Variants in PRRC1 observed in about 807,000 individuals in gnomAD.
PRRC1 encodes proline rich coiled-coil 1.
A neutral mutation model predicts 40.7 loss-of-function variants in PRRC1; 39 were observed. The ratio of observed to expected loss-of-function variants is 0.96; its 90% confidence interval spans 0.74 to 1.25. PRRC1 has a LOEUF of 1.25. PRRC1 is among the 50% of genes most tolerant of loss of function. PRRC1 has a pLI of 0.00. For synonymous variants in PRRC1, 175 were observed against 193.3 expected (o/e 0.91, Z 0.79); for missense variants, 573 against 548.3 (o/e 1.05, Z -0.45).
In PRRC1 at chr5:127,551,768, G is replaced by C. The variant is rs996842803; in HGVS notation, c.1190G>C (p.Gly397Ala). 3.7e-6 allele frequency: 6 copies of C among 1,614,112 alleles called. No individual in the cohort carries two copies. Among genetic ancestry groups the C allele is most frequent in the Non-Finnish European group, 5.1e-6 (6 of 1,179,996 alleles). ...LRWSGLLVTV[G>A]EVLEKSLLNV... ...TGGTCAGGCCTTTTGGTGACAGTGGGTGAAGTCCTGGAAAAGAGTTTACTG... is the reference window on the plus strand; with the variant it reads ...TGGTCAGGCCTTTTGGTGACAGTGGCTGAAGTCCTGGAAAAGAGTTTACTG... Residue 397 changes from glycine to alanine, a missense_variant, in exon 9 of 9, where the codon GGT becomes GCT. Physicochemically the swap from Gly to Ala is moderately conservative, Grantham distance 60. Transcript: ENST00000296666.
chr5:127,526,427 A>G (rs1252098608), intron 3 of PRRC1, among the ~76,000 whole-genome samples, 191 bp from the exon 4 acceptor site: 2 of 152,174 alleles, frequency 1.3e-5, no homozygotes, highest in Admixed American at 6.5e-5. Context: ...TTAAGACTAT[A>G]TAAAGGGAAA....
chr5:127,522,092 CTCG>C (rs747711500), intron 1 of PRRC1, among the ~76,000 whole-genome samples: 40 of 152,136 alleles, frequency 2.6e-4, no homozygotes, highest in Non-Finnish European at 4.4e-4. Flanking sequence ...CAGTATAGTG[CTCG>C]TCAAGCAGTT....
intron 1 of PRRC1, among the ~76,000 whole-genome samples, chr5:127,522,723 A>G (rs1483845854): frequency 6.6e-6 from 1 of 151,810 alleles, no homozygotes; most frequent in Non-Finnish European, 1.5e-5. Flanking sequence ...GGGTTATCTT[A>G]TACACAGTAC....
Position 127,518,731 on chromosome 5 carries a change from C to CTT in PRRC1, c.-21+971_-21+972dup, listed in dbSNP as rs79976581. Among the ~76,000 whole-genome samples, 175 of 139,790 alleles carry CTT rather than the reference C, an allele frequency of 1.3e-3. 1 individual carries two copies. The highest frequency in any genetic ancestry group is 4.0e-3 in the African/African-American group (153 of 38,532). The allele number at this position is 139,790 out of a possible 152,430, so 91.7% of individuals were successfully genotyped here. A position where few individuals can be genotyped will look rare whatever the true frequency, so the allele number is the denominator to read the frequency against. ...TTGTAAACTTGTAAATAGACATCCA[C>CTT]TTTTTTTTTTTTTTTTTAACAGAAA... On this transcript the variant is annotated intron_variant, in intron 1 of 8. Coordinates refer to ENST00000296666, the MANE Select transcript of PRRC1 (RefSeq NM_130809.5).
At chr5:127,542,762 G>A (rs1319975006) in intron 7 of PRRC1, among the ~76,000 whole-genome samples, 1 of 150,020 alleles carries the variant, frequency 6.7e-6, no homozygotes, top group East Asian at 2.0e-4. Context: ...TTGAGCCTAT[G>A]TGTGTCTCTG....
chr5:127,530,227 A>G (rs1208416740), intron 4 of PRRC1, 67 bp from the exon 5 acceptor site: 4 of 1,420,486 alleles, frequency 2.8e-6, no homozygotes, highest in East Asian at 2.3e-5. Context: ...AGTTTTCTTC[A>G]CAATCATGAA....
chr5:127,526,539 A>AGTT, intron 3 of PRRC1, 79 bp from the exon 4 acceptor site: 1 of 1,060,250 alleles, frequency 9.4e-7, no homozygotes, highest in Middle Eastern at 2.2e-4. Context: ...TTAATATTAA[A>AGTT]GTTGTTTGAG....
In PRRC1 at chr5:127,520,203, A is replaced by G. The variant is rs141777439; in HGVS notation, c.-21+2427A>G. On this transcript the variant is annotated intron_variant, in intron 1 of 8. Coordinates refer to ENST00000296666, the MANE Select transcript of PRRC1 (RefSeq NM_130809.5). ...CCAGTAGTAGCCCTCTAGTAGTGAC[A>G]ATAAAAAATGTCTTGGACATTGCCA... Among the ~76,000 whole-genome samples, 834 of 152,322 alleles carry G rather than the reference A, an allele frequency of 5.5e-3. 5 individuals carry two copies. Among genetic ancestry groups the G allele is most frequent in the African/African-American group, 0.019 (787 of 41,574 alleles).
intron 5 of PRRC1, 110 bp from the exon 6 acceptor site, chr5:127,533,513 A>G: frequency 1.1e-6 from 1 of 928,168 alleles, no homozygotes; most frequent in Non-Finnish European, 1.6e-6. Flanking sequence ...GCATGGTTTT[A>G]TGAAACTGGT....
intron 1 of PRRC1, among the ~76,000 whole-genome samples, chr5:127,521,376 C>T (rs1222843318): frequency 6.6e-6 from 1 of 151,768 alleles, no homozygotes; most frequent in South Asian, 2.1e-4. Flanking sequence ...TGCTCTGGCT[C>T]ATACCCCTGC....
In PRRC1 at chr5:127,527,939, A is replaced by T. The variant is rs191211624; in HGVS notation, c.654+1161A>T. ...AAAATACACTGGTATAACATTTTTC[A>T]CTTGCCAGCAGTAGTTATTAATTTG... On this transcript the variant is annotated intron_variant, in intron 4 of 8. Transcript: ENST00000296666. Among the ~76,000 whole-genome samples the T allele has an allele frequency of 4.0e-3, 604 of 152,236 alleles. 5 individuals are homozygous for T. Among genetic ancestry groups the T allele is most frequent in the African/African-American group, 0.014 (575 of 41,554 alleles).
At position 127,526,784 on chromosome 5, in the gene PRRC1, A is replaced by T; in HGVS notation, c.654+6A>T. 1 of 1,552,264 alleles carries T rather than the reference A, an allele frequency of 6.4e-7. No homozygotes were observed. The highest frequency in any genetic ancestry group is 8.7e-7 in the Non-Finnish European group (1 of 1,151,392). ...GAATCTGGGGTTTTATTAAGGTAAGACGTGTTTAAAAATTATGTTTAATTT... is the reference window on the plus strand; with the variant it reads ...GAATCTGGGGTTTTATTAAGGTAAGTCGTGTTTAAAAATTATGTTTAATTT... On this transcript the variant is annotated splice_donor_region_variant and intron_variant, in intron 4 of 8. Coordinates refer to ENST00000296666, the MANE Select transcript of PRRC1 (RefSeq NM_130809.5).
chr5:127,544,648 A>G (rs1768160247), intron 7 of PRRC1, among the ~76,000 whole-genome samples: 4 of 152,236 alleles, frequency 2.6e-5, no homozygotes, highest in African/African-American at 9.6e-5. Context: ...TGTGCCAGCA[A>G]TCAGCGGGAC....
intron 1 of PRRC1, among the ~76,000 whole-genome samples, chr5:127,518,485 CAT>C (rs1366989982): frequency 2.0e-5 from 3 of 152,330 alleles, no homozygotes; most frequent in East Asian, 1.9e-4. Context: ...TGAGAGACAA[CAT>C]GTGCATTTCT....
chr5:127,553,647 T>TCTGCTA lies in PRRC1; in HGVS notation c.*1734_*1739dup. 7.0e-7 allele frequency: 1 copy of TCTGCTA among 1,427,190 alleles called. No homozygotes were observed. The highest frequency in any genetic ancestry group is 9.1e-7 in the Non-Finnish European group (1 of 1,093,968). The allele number at this position is 1,427,190 out of a possible 1,614,324, so 88.4% of individuals were successfully genotyped here. Reference sequence around the variant, plus strand: ...GAAGCATGTCCTTACTTAAAATAGTTCTGCTACTTTCCCTCCTATTATAAG... The same window carrying TCTGCTA: ...GAAGCATGTCCTTACTTAAAATAGTTCTGCTACTGCTACTTTCCCTCCTATTATAAG... On this transcript the variant is annotated 3_prime_UTR_variant, in exon 9 of 9. Coordinates refer to ENST00000296666, the MANE Select transcript of PRRC1 (RefSeq NM_130809.5).
Position 127,539,155 on chromosome 5 carries a change from A to C in PRRC1, c.1025+12A>C. 1.3e-6 allele frequency: 2 copies of C among 1,564,070 alleles called. No individual in the cohort carries two copies. Among genetic ancestry groups the C allele is most frequent in the Non-Finnish European group, 1.8e-6 (2 of 1,135,994 alleles). On this transcript the variant is annotated intron_variant, in intron 7 of 8. Coordinates refer to ENST00000296666, the MANE Select transcript of PRRC1 (RefSeq NM_130809.5). ...TTGCTGCCTGACAAGTAAGTGTATT[A>C]TGTTTCTCTTGGAAGCAAAATATAA... is the stretch of plus-strand genomic sequence containing the variant.
intron 7 of PRRC1, among the ~76,000 whole-genome samples, chr5:127,545,711 A>T (rs1768198082): frequency 6.6e-6 from 1 of 151,762 alleles, no homozygotes; most frequent in South Asian, 2.1e-4. Flanking sequence ...GCACACCAGT[A>T]TGGCACATGT....
intron 1 of PRRC1, among the ~76,000 whole-genome samples, chr5:127,520,074 T>G (rs1289628420): frequency 6.6e-6 from 1 of 152,220 alleles, no homozygotes; most frequent in Non-Finnish European, 1.5e-5. Context: ...AGGTCAGAGT[T>G]TTTCAACTTT....
intron 7 of PRRC1, among the ~76,000 whole-genome samples, chr5:127,542,269 G>A (rs367832303): frequency 6.6e-6 from 1 of 151,820 alleles, no homozygotes; most frequent in Non-Finnish European, 1.5e-5. Flanking sequence ...TCTTTTACAT[G>A]TGCTGAGGAG....
Sources: allele counts gnomAD v4.1 joint callset (sites outside exome capture counted in the v4.1 genomes callset), GRCh38; gene constraint gnomAD v4.1.1; transcripts MANE v1.5; gene names NCBI Gene and HGNC (gene_info 2026-07-23, HGNC 2026-07-21).